The following NPAS3 variants were observed in gnomAD, a reference collection of about 807,000 sequenced individuals.
The protein encoded by NPAS3 is neuronal PAS domain-containing protein 3.
Under a neutral mutation model 73.1 loss-of-function variants are expected in NPAS3, and 14 were observed. That is an observed-to-expected ratio of 0.19 (90% CI 0.13 to 0.30). The LOEUF (loss-of-function observed/expected upper bound fraction) is 0.30. NPAS3 is among the 10% of genes least tolerant of loss of function. NPAS3 has a pLI of 1.00. For missense variants in NPAS3, 1,096 were observed against 1,250.0 expected, an observed-to-expected ratio of 0.88 and a Z score of 1.86; for synonymous variants, 620 against 541.5, an observed-to-expected ratio of 1.14 and a Z score of -2.01.
At chr14:33,160,159 G>A (rs2044811079) in intron 2 of NPAS3, among the ~76,000 whole-genome samples, 1 of 151,980 alleles carries the variant, frequency 6.6e-6, no homozygotes, top group Non-Finnish European at 1.5e-5. Context: ...TGAGACATAA[G>A]AGTACATCTT....
chr14:33,705,535 G>C (rs572987320), intron 6 of NPAS3, among the ~76,000 whole-genome samples: 2 of 152,286 alleles, frequency 1.3e-5, no homozygotes, highest in South Asian at 4.2e-4. Flanking sequence ...ACTTTCTTTT[G>C]TTGCAAAACC....
At chr14:33,266,656 A>G (rs534870770) in intron 3 of NPAS3, among the ~76,000 whole-genome samples, 4 of 152,250 alleles carry the variant, frequency 2.6e-5, no homozygotes, top group African/African-American at 9.6e-5. Flanking sequence ...GCTCATGGAG[A>G]GTGATTGGAT....
At chr14:33,474,915 T>G (rs1402007089) in intron 4 of NPAS3, among the ~76,000 whole-genome samples, 1 of 152,150 alleles carries the variant, frequency 6.6e-6, no homozygotes, top group African/African-American at 2.4e-5. Context: ...TGTCAACAAG[T>G]GAAGGAGGAA....
intron 3 of NPAS3, among the ~76,000 whole-genome samples, chr14:33,289,515 A>G (rs893259954): frequency 2.0e-5 from 3 of 152,102 alleles, no homozygotes; most frequent in Non-Finnish European, 4.4e-5. Context: ...AAAACCTGAA[A>G]GATGGCTTTA....
At chr14:33,310,252 C>T (rs181453384) in intron 3 of NPAS3, among the ~76,000 whole-genome samples, 4 of 151,978 alleles carry the variant, frequency 2.6e-5, no homozygotes, top group Admixed American at 2.6e-4. Context: ...AAGAAGTGTC[C>T]TAGGTCTCTT....
chr14:33,236,335 G>T (rs957310531), intron 3 of NPAS3, among the ~76,000 whole-genome samples: 1 of 152,030 alleles, frequency 6.6e-6, no homozygotes, highest in Non-Finnish European at 1.5e-5. Flanking sequence ...CTACTTGAAA[G>T]TCTTAAAGTT....
chr14:33,320,074 G>A (rs1594682554), intron 3 of NPAS3, among the ~76,000 whole-genome samples: 2 of 152,094 alleles, frequency 1.3e-5, no homozygotes, highest in East Asian at 3.9e-4. Flanking sequence ...AGGAATTGGG[G>A]TTGGAGAAGC....
At chr14:33,719,598 C>T (rs1595497185) in intron 6 of NPAS3, among the ~76,000 whole-genome samples, 1 of 152,112 alleles carries the variant, frequency 6.6e-6, no homozygotes, top group African/African-American at 2.4e-5. Flanking sequence ...TATATCCACA[C>T]ATTTAAAGAG....
At chr14:33,074,091 A>G (rs182275558) in intron 2 of NPAS3, among the ~76,000 whole-genome samples, 1 of 152,282 alleles carries the variant, frequency 6.6e-6, no homozygotes, top group African/African-American at 2.4e-5. Flanking sequence ...ACAGGATTCA[A>G]TCAGGAAATA....
chr14:33,104,956 C>T (rs1021501328), intron 2 of NPAS3, among the ~76,000 whole-genome samples: 7 of 152,026 alleles, frequency 4.6e-5, no homozygotes, highest in African/African-American at 9.7e-5. Context: ...ATGGGGGTTG[C>T]GTTTGTTGCT....
At chr14:33,170,494 A>G (rs1314093505) in intron 2 of NPAS3, among the ~76,000 whole-genome samples, 2 of 152,144 alleles carry the variant, frequency 1.3e-5, no homozygotes, top group African/African-American at 4.8e-5. Context: ...CCATTGATTG[A>G]TTTGACCTTT....
intron 2 of NPAS3, among the ~76,000 whole-genome samples, chr14:33,072,958 C>T (rs2041537301): frequency 6.6e-6 from 1 of 151,890 alleles, no homozygotes; most frequent in Non-Finnish European, 1.5e-5. Flanking sequence ...ATAATTGCCA[C>T]AACTTAAAAA....
chr14:33,173,971 C>CA (rs1045582971), intron 2 of NPAS3, among the ~76,000 whole-genome samples: 12 of 151,968 alleles, frequency 7.9e-5, no homozygotes, highest in Admixed American at 4.6e-4. Flanking sequence ...GTAACCAGAA[C>CA]AAAAAAACAG....
intron 4 of NPAS3, among the ~76,000 whole-genome samples, chr14:33,500,586 AGGAGAATACG>A (rs2052464029): frequency 6.6e-6 from 1 of 151,942 alleles, no homozygotes; most frequent in African/African-American, 2.4e-5. Flanking sequence ...GAGTTACCAG[AGGAGAATACG>A]GCCTCATTCA....
intron 2 of NPAS3, among the ~76,000 whole-genome samples, chr14:33,118,027 A>G (rs1419210742): frequency 2.0e-5 from 3 of 152,122 alleles, no homozygotes; most frequent in Non-Finnish European, 4.4e-5. Context: ...CAATGTTCAC[A>G]TAAGTTAAAC....
chr14:33,714,477 G>T (rs1157616231), intron 6 of NPAS3, among the ~76,000 whole-genome samples: 3 of 152,034 alleles, frequency 2.0e-5, no homozygotes, highest in Non-Finnish European at 4.4e-5. Context: ...CCATACTTGG[G>T]GGTGAACTTG....
intron 4 of NPAS3, among the ~76,000 whole-genome samples, chr14:33,527,137 A>G (rs2053837397): frequency 6.6e-6 from 1 of 152,148 alleles, no homozygotes; most frequent in African/African-American, 2.4e-5. Flanking sequence ...GCTAGACAGC[A>G]TTCCTTCTTC....
intron 3 of NPAS3, among the ~76,000 whole-genome samples, chr14:33,344,525 C>A (rs1202924707): frequency 6.6e-6 from 1 of 152,112 alleles, no homozygotes; most frequent in Non-Finnish European, 1.5e-5. Flanking sequence ...CTAATCATTT[C>A]CTTAACACCA....
intron 4 of NPAS3, among the ~76,000 whole-genome samples, chr14:33,444,633 C>T (rs1594919694): frequency 6.6e-6 from 1 of 152,232 alleles, no homozygotes; most frequent in South Asian, 2.1e-4. Context: ...ATGGCAGAGT[C>T]GGGTTAGATG....
Sources: gnomAD v4.1 joint callset for allele counts (sites outside exome capture counted in the v4.1 genomes callset) on GRCh38, gnomAD v4.1.1 for gene constraint, MANE v1.5 for transcripts, NCBI Gene and HGNC (gene_info 2026-07-23, HGNC 2026-07-21) for gene names.